Variants in ARRB1 observed in about 807,000 individuals in gnomAD.
ARRB1 encodes the protein arrestin beta 1.
A neutral mutation model predicts 56.8 loss-of-function variants in ARRB1; 21 were observed. The observed-to-expected ratio is 0.37, with a 90% confidence interval of 0.26 to 0.53. ARRB1 has a LOEUF of 0.53. ARRB1 is among the 20% of genes least tolerant of loss of function. ARRB1 has a pLI of 0.88. For synonymous variants in ARRB1, 210 were observed against 218.6 expected (o/e 0.96, Z 0.35); for missense variants, 424 against 553.7 (o/e 0.77, Z 2.35).
At chr11:75,339,404 C>G (rs1456680328) in intron 1 of ARRB1, among the ~76,000 whole-genome samples, 1 of 152,176 alleles carries the variant, frequency 6.6e-6, no homozygotes, top group Non-Finnish European at 1.5e-5. Flanking sequence ...GTTTTTTTGT[C>G]CTCAAGCAGT....
chr11:75,333,505 G>A (rs1055970033), intron 1 of ARRB1, among the ~76,000 whole-genome samples: 8 of 152,314 alleles, frequency 5.3e-5, no homozygotes, highest in East Asian at 3.9e-4. Flanking sequence ...ACAGACAAAC[G>A]GGGAAGTGTA....
At chr11:75,287,403 A>G (rs2140434335) in intron 2 of ARRB1, 28 bp from the exon 3 acceptor site, 2 of 1,553,436 alleles carry the variant, frequency 1.3e-6, no homozygotes, top group Admixed American at 2.0e-5. Context: ...AGGGGGCGTT[A>G]GCAGCTGCAG....
intron 8 of ARRB1, 131 bp downstream of exon 8, chr11:75,278,478 C>T (rs1946249822): frequency 7.5e-7 from 1 of 1,327,568 alleles, no homozygotes; most frequent in South Asian, 1.4e-5. Flanking sequence ...GATTCCCTGA[C>T]CCCTGTGGTC....
At chr11:75,346,261 AG>A (rs1947764398) in intron 1 of ARRB1, among the ~76,000 whole-genome samples, 1 of 152,140 alleles carries the variant, frequency 6.6e-6, no homozygotes, top group Non-Finnish European at 1.5e-5. Context: ...CACCTGAGTC[AG>A]AAGCCCCTCC....
At chr11:75,312,957 C>T (rs557404691) in intron 1 of ARRB1, among the ~76,000 whole-genome samples, 2 of 152,336 alleles carry the variant, frequency 1.3e-5, no homozygotes, top group African/African-American at 4.8e-5. Flanking sequence ...TTTTAAGCCA[C>T]TAAATATATG....
intron 1 of ARRB1, chr11:75,312,147 T>C: frequency 7.8e-7 from 1 of 1,289,328 alleles, no homozygotes; most frequent in Non-Finnish European, 1.0e-6. Context: ...TCCCTTCTCC[T>C]TCCTCCACCC....
intron 8 of ARRB1, 111 bp downstream of exon 8, chr11:75,278,498 G>T: frequency 6.8e-7 from 1 of 1,462,174 alleles, no homozygotes; most frequent in East Asian, 2.4e-5. Flanking sequence ...CCTTGGGCTG[G>T]GGATAGAAGC....
chr11:75,279,624 G>A (rs933729527), intron 7 of ARRB1, among the ~76,000 whole-genome samples: 1 of 152,144 alleles, frequency 6.6e-6, no homozygotes, highest in African/African-American at 2.4e-5. Flanking sequence ...TCTGTAAAGG[G>A]TGATGACAGA....
chr11:75,272,977 A>G lies in ARRB1; in HGVS notation c.916T>C (p.Leu306=). 1.9e-6 allele frequency: 3 copies of G among 1,613,872 alleles called. No homozygotes were observed. Among genetic ancestry groups the G allele is most frequent in the South Asian group, 2.2e-5 (2 of 91,064 alleles). ...EDTNLASSTL[L]REGANREILG... The stretch of plus-strand genomic sequence containing the variant: ...ATCTCACGGTTGGCACCTTCCCTCA[A>G]CCTGCAAAGTGACACAGGGGAGCCA... The change falls in exon 12 of 16, where the codon TTG becomes CTG. Residue 306 remains leucine (L), a splice_region_variant and synonymous_variant. Transcript: ENST00000420843.
intron 1 of ARRB1, among the ~76,000 whole-genome samples, chr11:75,319,989 G>A (rs566503893): frequency 1.3e-5 from 2 of 152,266 alleles, no homozygotes; most frequent in East Asian, 3.9e-4. Flanking sequence ...GGCCCAGTTG[G>A]CTGTGAACTC....
rs563089954 is a variant in ARRB1, at chr11:75,331,361, G to C, written c.20+20227C>G. On this transcript the variant is annotated intron_variant, in intron 1 of 15. Transcript: ENST00000420843. Reference sequence around the variant, plus strand: ...CCCAAATTCCTGTCTAAGGGGTCTGGGGAGTCATCTTCTACAAACCATGAA... The same window carrying C: ...CCCAAATTCCTGTCTAAGGGGTCTGCGGAGTCATCTTCTACAAACCATGAA... Among the ~76,000 whole-genome samples, 6 of 152,216 alleles carry C rather than the reference G, an allele frequency of 3.9e-5. No homozygotes were observed. In the South Asian group the frequency reaches 1.0e-3, roughly 26 times the overall value.
chr11:75,288,383 C>T (rs997884479), intron 2 of ARRB1, among the ~76,000 whole-genome samples: 2 of 152,178 alleles, frequency 1.3e-5, no homozygotes, highest in Middle Eastern at 3.2e-3. Context: ...GAAAAACCCC[C>T]GAGACAGAAT....
chr11:75,267,190 G>A (rs554161351), intron 15 of ARRB1, among the ~76,000 whole-genome samples: 23 of 152,186 alleles, frequency 1.5e-4, no homozygotes, highest in Non-Finnish European at 2.9e-4. Flanking sequence ...TCCCCCTCTG[G>A]CCACTGTCCG....
chr11:75,341,973 C>T (rs1162612698), intron 1 of ARRB1, among the ~76,000 whole-genome samples: 4 of 152,206 alleles, frequency 2.6e-5, no homozygotes, highest in Non-Finnish European at 2.9e-5. Flanking sequence ...CTCACGCCCT[C>T]TCCCCTCCTA....
intron 1 of ARRB1, among the ~76,000 whole-genome samples, chr11:75,322,526 C>T (rs756966430): frequency 6.6e-6 from 1 of 152,016 alleles, no homozygotes; most frequent in African/African-American, 2.4e-5. Flanking sequence ...ACAACAACAA[C>T]AAAAAACACC....
At chr11:75,272,682 A>C in intron 12 of ARRB1, 1 of 551,822 alleles carries the variant, frequency 1.8e-6, no homozygotes, top group Non-Finnish European at 3.3e-6. Flanking sequence ...GGGTGGGGGT[A>C]AGAGAGGGGC....
At chr11:75,298,848 G>C (rs1676888) in intron 1 of ARRB1, among the ~76,000 whole-genome samples, 135,479 of 152,056 alleles carry the variant, frequency 0.89, 60,510 homozygotes, top group African/African-American at 0.92. Flanking sequence ...TAGTACATAG[G>C]CATAAAATGG....
At chr11:75,275,121 A>ATTTTATTTTATTTT (rs1565107703) in intron 10 of ARRB1, among the ~76,000 whole-genome samples, 2 of 33,864 alleles carry the variant, frequency 5.9e-5, no homozygotes, top group Admixed American at 3.3e-4. Context: ...AATTTAATTT[A>ATTTTATTTTATTTT]AATTTATTTT....
At chr11:75,340,845 C>G (rs1243396086) in intron 1 of ARRB1, among the ~76,000 whole-genome samples, 1 of 152,174 alleles carries the variant, frequency 6.6e-6, no homozygotes, top group Admixed American at 6.5e-5. Context: ...GCTCCCCAAT[C>G]TCTCCCCACT....
Sources: gnomAD v4.1 joint callset for allele counts (sites outside exome capture counted in the v4.1 genomes callset) on GRCh38, gnomAD v4.1.1 for gene constraint, MANE v1.5 for transcripts, NCBI Gene and HGNC (gene_info 2026-07-23, HGNC 2026-07-21) for gene names.